The following LIN52 variants were observed in gnomAD, a reference collection of about 807,000 sequenced individuals.
The protein encoded by LIN52 is protein lin-52 homolog.
LIN52 carries 4 observed loss-of-function variants against 18.5 expected under a neutral mutation model. The observed-to-expected ratio is 0.22, with a 90% CI of 0.11 to 0.49. The LOEUF (loss-of-function observed/expected upper bound fraction) is 0.49, where lower values mean the gene tolerates loss of function less well. LIN52 is among the 20% of genes least tolerant of loss of function. The pLI is 0.97. For synonymous variants in LIN52, 34 were observed against 45.5 expected (o/e 0.75, Z 1.02); for missense variants, 102 against 139.5 (o/e 0.73, Z 1.35).
intron 5 of LIN52, among the ~76,000 whole-genome samples, chr14:74,180,480 G>A (rs1037793473): frequency 4.0e-5 from 6 of 151,264 alleles, no homozygotes; most frequent in East Asian, 2.0e-4. Flanking sequence ...CCGTGGTCTC[G>A]ATCTCCTGAC....
intron 5 of LIN52, among the ~76,000 whole-genome samples, chr14:74,178,430 CTTAA>C (rs1265527150): frequency 3.3e-5 from 5 of 151,158 alleles, no homozygotes; most frequent in African/African-American, 7.3e-5. Flanking sequence ...TTAGTGGGGA[CTTAA>C]TTAATAAGTA....
At chr14:74,093,859 T>G (rs1431154225) in intron 2 of LIN52, among the ~76,000 whole-genome samples, 2 of 151,826 alleles carry the variant, frequency 1.3e-5, no homozygotes, top group Admixed American at 1.3e-4. Context: ...CCCAGCTACT[T>G]GGGAGGCTGA....
intron 5 of LIN52, among the ~76,000 whole-genome samples, chr14:74,112,174 C>T (rs370651307): frequency 6.6e-6 from 1 of 152,230 alleles, no homozygotes; most frequent in East Asian, 1.9e-4. Flanking sequence ...GCCACAGCAC[C>T]TGGCCCCTTC....
chr14:74,157,022 A>G (rs971603213), intron 5 of LIN52, among the ~76,000 whole-genome samples: 5 of 137,384 alleles, frequency 3.6e-5, no homozygotes, highest in African/African-American at 1.3e-4. Flanking sequence ...TATGTATACC[A>G]TATTTTCTTT....
intron 1 of LIN52, among the ~76,000 whole-genome samples, chr14:74,090,246 G>T (rs7150171): frequency 0.23 from 34,113 of 147,988 alleles, 4,161 homozygotes; most frequent in South Asian, 0.47. Context: ...CTTGAACTCC[G>T]GACCTCAAGT....
chr14:74,131,319 C>CTTTT (rs34203200), intron 5 of LIN52, among the ~76,000 whole-genome samples: 5 of 137,996 alleles, frequency 3.6e-5, no homozygotes, highest in Admixed American at 1.5e-4. Context: ...ATTTAAGTGA[C>CTTTT]TTTTTTTTTT....
At chr14:74,144,386 C>G (rs78518441) in intron 5 of LIN52, among the ~76,000 whole-genome samples, 1,917 of 152,064 alleles carry the variant, frequency 0.013, 33 homozygotes, top group African/African-American at 0.043. Flanking sequence ...CTTGGCCTTC[C>G]GAAAGGCAGG....
chr14:74,181,185 A>G (rs2061317269), intron 5 of LIN52, among the ~76,000 whole-genome samples: 1 of 151,770 alleles, frequency 6.6e-6, no homozygotes, highest in South Asian at 2.1e-4. Context: ...TCACACCTGT[A>G]ATCCCAGCAT....
At chr14:74,140,598 T>A (rs1478807241) in intron 5 of LIN52, among the ~76,000 whole-genome samples, 3 of 152,166 alleles carry the variant, frequency 2.0e-5, no homozygotes, top group Non-Finnish European at 4.4e-5. Flanking sequence ...ACTCTACAGC[T>A]GTCAGAGGGG....
intron 5 of LIN52, among the ~76,000 whole-genome samples, chr14:74,121,769 G>A (rs1437116048): frequency 6.7e-6 from 1 of 149,344 alleles, no homozygotes; most frequent in Non-Finnish European, 1.5e-5. Context: ...CGTCACCCAG[G>A]CTGGGGTGCA....
chr14:74,112,439 A>C (rs1025667574), intron 5 of LIN52, among the ~76,000 whole-genome samples: 3 of 152,014 alleles, frequency 2.0e-5, no homozygotes, highest in African/African-American at 7.2e-5. Context: ...AAAAATTCTA[A>C]AAATGTGGTT....
chr14:74,169,416 G>C (rs1339840471), intron 5 of LIN52, among the ~76,000 whole-genome samples: 1 of 152,008 alleles, frequency 6.6e-6, no homozygotes, highest in Admixed American at 6.6e-5. Context: ...CTGGTGACTT[G>C]TAAGGAACCT....
chr14:74,098,871 G>A (rs758527105), intron 4 of LIN52, among the ~76,000 whole-genome samples: 2 of 152,076 alleles, frequency 1.3e-5, no homozygotes, highest in Non-Finnish European at 2.9e-5. Context: ...TTTAAGTCTA[G>A]CCTCTTTCCA....
intron 5 of LIN52, among the ~76,000 whole-genome samples, chr14:74,194,952 C>CT (rs2078900952): frequency 6.6e-6 from 1 of 152,196 alleles, no homozygotes; most frequent in East Asian, 1.9e-4. Context: ...CGAGACCAGC[C>CT]TGGCCAACAT....
chr14:74,198,706 C>T (rs375659626), intron 5 of LIN52, among the ~76,000 whole-genome samples: 15 of 152,294 alleles, frequency 9.8e-5, no homozygotes, highest in African/African-American at 3.6e-4. Flanking sequence ...TGGCATGTAT[C>T]TCAATTGCCA....
chr14:74,130,278 G>GTTTTTTTTTTGTTTTT (rs1566856483), intron 5 of LIN52, among the ~76,000 whole-genome samples: 1 of 64,842 alleles, frequency 1.5e-5, no homozygotes, highest in Admixed American at 2.2e-4. Flanking sequence ...GCATTTTTTG[G>GTTTTTTTTTTGTTTTT]TTTTTTTTTT....
At chr14:74,163,143 A>G (rs2139566953) in intron 5 of LIN52, among the ~76,000 whole-genome samples, 1 of 152,278 alleles carries the variant, frequency 6.6e-6, no homozygotes, top group South Asian at 2.1e-4. Flanking sequence ...GTACAGTGGT[A>G]CAATCTCAGC....
intron 5 of LIN52, among the ~76,000 whole-genome samples, chr14:74,104,173 A>G (rs2139887568): frequency 6.6e-6 from 1 of 152,310 alleles, no homozygotes; most frequent in African/African-American, 2.4e-5. Context: ...CCAGGATTAC[A>G]GGAGTGAGCC....
At chr14:74,145,813 A>T (rs1357585881) in intron 5 of LIN52, among the ~76,000 whole-genome samples, 1 of 152,238 alleles carries the variant, frequency 6.6e-6, no homozygotes, top group Non-Finnish European at 1.5e-5. Context: ...GAGACAAAAC[A>T]TGAAATGTTT....
Sources: allele counts gnomAD v4.1 joint callset (sites outside exome capture counted in the v4.1 genomes callset), GRCh38; gene constraint gnomAD v4.1.1; transcripts MANE v1.5; gene names NCBI Gene and HGNC (gene_info 2026-07-23, HGNC 2026-07-21).